PARD3: variants seen among roughly 807,000 people sequenced by gnomAD.
The protein encoded by PARD3 is partitioning defective 3 homolog.
A neutral mutation model predicts 155.4 loss-of-function variants in PARD3; 75 were observed. That is an observed-to-expected ratio of 0.48 (90% CI 0.40 to 0.58). PARD3 has a LOEUF of 0.58. Ranked by LOEUF, PARD3 falls within the 20% of genes least tolerant of loss-of-function variation. The pLI is 0.00. For missense variants in PARD3, 1,642 were observed against 1,721.7 expected, an observed-to-expected ratio of 0.95 and a Z score of 0.82; for synonymous variants, 576 against 610.5, an observed-to-expected ratio of 0.94 and a Z score of 0.83.
intron 1 of PARD3, among the ~76,000 whole-genome samples, chr10:34,747,217 C>T (rs889551827): frequency 9.2e-5 from 14 of 151,740 alleles, no homozygotes; most frequent in African/African-American, 3.4e-4. Context: ...TTTTCTTTTC[C>T]CTTTAGCTTT....
chr10:34,170,883 A>C (rs1949754731), intron 22 of PARD3, among the ~76,000 whole-genome samples: 1 of 152,198 alleles, frequency 6.6e-6, no homozygotes, highest in African/African-American at 2.4e-5. Context: ...TGTCATATGA[A>C]TATGTATTTG....
intron 3 of PARD3, among the ~76,000 whole-genome samples, chr10:34,502,353 T>C (rs576084154): frequency 3.4e-4 from 51 of 152,162 alleles, no homozygotes; most frequent in Middle Eastern, 3.4e-3. Flanking sequence ...GGAAGGGCCA[T>C]ACACGAAGGA....
intron 2 of PARD3, among the ~76,000 whole-genome samples, chr10:34,522,370 C>G (rs1321824781): frequency 6.6e-6 from 1 of 152,172 alleles, no homozygotes; most frequent in Middle Eastern, 3.2e-3. Context: ...TTATGGCATT[C>G]TGACCCATGT....
chr10:34,566,601 C>T (rs966847824), intron 2 of PARD3, among the ~76,000 whole-genome samples: 1 of 152,124 alleles, frequency 6.6e-6, no homozygotes, highest in African/African-American at 2.4e-5. Flanking sequence ...CTCCACCCTC[C>T]CGCAAAAAAG....
At chr10:34,119,289 A>AT (rs1946849233) in intron 24 of PARD3, among the ~76,000 whole-genome samples, 1 of 152,022 alleles carries the variant, frequency 6.6e-6, no homozygotes, top group Non-Finnish European at 1.5e-5. Context: ...TTATCTTCCC[A>AT]TTTTTCAGAT....
intron 2 of PARD3, among the ~76,000 whole-genome samples, chr10:34,642,982 C>G (rs879429675): frequency 6.6e-6 from 1 of 152,162 alleles, no homozygotes; most frequent in Non-Finnish European, 1.5e-5. Context: ...AATGCTCCCC[C>G]ATCAGAGAAA....
At chr10:34,192,043 C>T (rs929611136) in intron 22 of PARD3, among the ~76,000 whole-genome samples, 2 of 151,246 alleles carry the variant, frequency 1.3e-5, no homozygotes, top group Non-Finnish European at 2.9e-5. Flanking sequence ...CAAAATCAGG[C>T]ATTCTGAAAA....
At chr10:34,354,505 G>A (rs902923114) in intron 14 of PARD3, among the ~76,000 whole-genome samples, 28 of 152,278 alleles carry the variant, frequency 1.8e-4, no homozygotes, top group Non-Finnish European at 1.9e-4. Flanking sequence ...AGCCCTGGCA[G>A]TCTCAGAATC....
At chr10:34,360,370 C>T (rs1473033171) in intron 12 of PARD3, 111 bp from the exon 13 acceptor site, 3 of 694,252 alleles carry the variant, frequency 4.3e-6, no homozygotes, top group Non-Finnish European at 7.3e-6. Flanking sequence ...CAAAATATTT[C>T]CATGAAGGTT....
intron 15 of PARD3, among the ~76,000 whole-genome samples, chr10:34,342,250 T>C (rs897510755): frequency 6.6e-5 from 10 of 152,224 alleles, no homozygotes; most frequent in Admixed American, 6.5e-4. Context: ...CAAGACACAG[T>C]CTCTGTCCTT....
intron 2 of PARD3, among the ~76,000 whole-genome samples, chr10:34,558,024 T>C (rs1361008346): frequency 6.6e-6 from 1 of 152,124 alleles, no homozygotes; most frequent in African/African-American, 2.4e-5. Flanking sequence ...GCCAGGGCTA[T>C]TTTTCAATCA....
intron 22 of PARD3, among the ~76,000 whole-genome samples, chr10:34,260,544 A>C (rs1954904533): frequency 6.6e-6 from 1 of 152,198 alleles, no homozygotes; most frequent in Non-Finnish European, 1.5e-5. Flanking sequence ...GGGACCAACA[A>C]AGTTTGGAAG....
At chr10:34,350,327 G>C (rs1369564279) in intron 14 of PARD3, among the ~76,000 whole-genome samples, 1 of 152,238 alleles carries the variant, frequency 6.6e-6, no homozygotes, top group African/African-American at 2.4e-5. Flanking sequence ...CCCCTTGCAG[G>C]CTCCTTATAT....
At chr10:34,402,675 C>A (rs188894664) in intron 5 of PARD3, among the ~76,000 whole-genome samples, 2 of 152,266 alleles carry the variant, frequency 1.3e-5, no homozygotes, top group Non-Finnish European at 1.5e-5. Flanking sequence ...ATATTTTGTA[C>A]AAATTGCTCC....
At chr10:34,252,871 G>T (rs1276507217) in intron 22 of PARD3, among the ~76,000 whole-genome samples, 1 of 151,952 alleles carries the variant, frequency 6.6e-6, no homozygotes, top group Non-Finnish European at 1.5e-5. Context: ...CATAGTGAAC[G>T]ATCAGAAAAC....
In PARD3 at chr10:34,238,738, C is replaced by T. The variant is rs372684727; in HGVS notation, c.3419+30919G>A. Among the ~76,000 whole-genome samples, 6 of 152,280 alleles carry T rather than the reference C, an allele frequency of 3.9e-5. No individual in the cohort carries two copies. The East Asian group carries it at 9.7e-4, about 25-fold the overall frequency. ...AAGATGACTCTAACCTGAAGGAATACGTCTCTCTTCTAACTCACTCCACCT... is the reference window on the plus strand; with the variant it reads ...AAGATGACTCTAACCTGAAGGAATATGTCTCTCTTCTAACTCACTCCACCT... On this transcript the variant is annotated intron_variant, in intron 22 of 24. Transcript: ENST00000374788.
At chr10:34,372,333 G>A (rs962415200) in intron 12 of PARD3, among the ~76,000 whole-genome samples, 165 bp downstream of exon 12, 1 of 152,088 alleles carries the variant, frequency 6.6e-6, no homozygotes, top group Admixed American at 6.6e-5. Flanking sequence ...GGTGGTAACA[G>A]TAAGTCACCT....
chr10:34,600,190 A>AT (rs1002246297), intron 2 of PARD3, among the ~76,000 whole-genome samples: 14 of 151,346 alleles, frequency 9.3e-5, no homozygotes, highest in African/African-American at 3.4e-4. Context: ...CAAAAAAAAA[A>AT]AAAAAATTAA....
chr10:34,594,434 A>C (rs373329887), intron 2 of PARD3, among the ~76,000 whole-genome samples: 85 of 152,310 alleles, frequency 5.6e-4, no homozygotes, highest in African/African-American at 2.0e-3. Flanking sequence ...TGTGTGATGC[A>C]CTTATACCAG....
Sources: allele counts gnomAD v4.1 joint callset (sites outside exome capture counted in the v4.1 genomes callset), GRCh38; gene constraint gnomAD v4.1.1; transcripts MANE v1.5; gene names NCBI Gene and HGNC (gene_info 2026-07-23, HGNC 2026-07-21).